Variants in RPL7A observed in about 807,000 individuals in gnomAD.
RPL7A encodes ribosomal protein L7a.
For missense variants in RPL7A, 291 were observed against 338.2 expected (o/e 0.86, Z 1.09); for synonymous variants, 158 against 128.2 (o/e 1.23, Z -1.57).
chr9:133,349,434 G>A (rs2129986060), intron 2 of RPL7A, 117 bp from the exon 3 acceptor site: 2 of 1,203,836 alleles, frequency 1.7e-6, no homozygotes, highest in Non-Finnish European at 2.5e-6. Context: ...TCTGAGAGAT[G>A]GTGATGACAT....
Position 133,349,648 on chromosome 9 carries a change from G to T in RPL7A, c.222G>T (p.Leu74=). 6.2e-7 allele frequency: 1 copy of T among 1,614,084 alleles called. No individual in the cohort carries two copies. The highest frequency in any genetic ancestry group is 1.1e-5 in the South Asian group (1 of 91,092). ...QRQRAILYKR[L]KVPPAINQFT... ...AGAGAGCCATCCTCTATAAGCGGCTGAAAGTGCCTCCTGCGATTAACCAGT... is the reference window on the plus strand; with the variant it reads ...AGAGAGCCATCCTCTATAAGCGGCTTAAAGTGCCTCCTGCGATTAACCAGT... The change falls in exon 3 of 8, where the codon CTG becomes CTT. Residue 74 remains leucine (L), a synonymous_variant. Transcript: ENST00000323345.
intron 2 of RPL7A, 196 bp from the exon 3 acceptor site, chr9:133,349,355 A>G (rs2129985126): frequency 2.3e-6 from 2 of 880,636 alleles, no homozygotes; most frequent in South Asian, 1.3e-5. Flanking sequence ...TTCTTGTTAG[A>G]TGAGGAAAAG....
intron 3 of RPL7A, 83 bp from the exon 4 acceptor site, chr9:133,349,829 G>A (rs2129988866): frequency 2.5e-5 from 39 of 1,583,678 alleles, no homozygotes; most frequent in African/African-American, 1.9e-4. Context: ...TAGCAGGACC[G>A]CAGTCCAGCA....
chr9:133,349,253 A>C, intron 2 of RPL7A: 1 of 743,932 alleles, frequency 1.3e-6, no homozygotes. Context: ...AGTGGCCTTG[A>C]ATTCAGCTTA....
intron 2 of RPL7A, 71 bp downstream of exon 2, chr9:133,349,113 G>GT (rs1836304816): frequency 5.7e-6 from 9 of 1,577,354 alleles, no homozygotes; most frequent in East Asian, 4.5e-5. Flanking sequence ...GGGTTGTGTT[G>GT]TATCTTGTAG....
At position 133,350,579 on chromosome 9, in the gene RPL7A, G is replaced by A; in HGVS notation, c.496-18G>A. On this transcript the variant is annotated intron_variant, in intron 5 of 7. Coordinates refer to ENST00000323345, the MANE Select transcript of RPL7A (RefSeq NM_000972.3). Reference sequence around the variant, plus strand: ...GCTTTTGGTCAAAATACAGTCTTCAGCTAATGCTTTCTTCCAGCTGGTTGT... The same window carrying A: ...GCTTTTGGTCAAAATACAGTCTTCAACTAATGCTTTCTTCCAGCTGGTTGT... 1 of 1,614,052 alleles carries A rather than the reference G, an allele frequency of 6.2e-7. No homozygotes were observed. The highest frequency in any genetic ancestry group is 8.5e-7 in the Non-Finnish European group (1 of 1,179,914).
intron 2 of RPL7A, 38 bp from the exon 3 acceptor site, chr9:133,349,513 A>C: frequency 6.2e-7 from 1 of 1,613,938 alleles, no homozygotes; most frequent in Non-Finnish European, 8.5e-7. Context: ...CTTGACATGG[A>C]ATTTGAGCCT....
chr9:133,350,204 C>T lies in RPL7A; in HGVS notation c.416-36C>T, dbSNP rs1354690948. 4 of 1,611,760 alleles carry T rather than the reference C, an allele frequency of 2.5e-6. No individual in the cohort carries two copies. In the African/African-American group the frequency reaches 4.0e-5, roughly 16 times the overall value. On this transcript the variant is annotated intron_variant, in intron 4 of 7. Transcript: ENST00000323345. ...AGCAGCTTCTTGTGACTAGAGCAGGCCCTGTGAGTGCTCACAAAGTGGTTG... is the reference window on the plus strand; with the variant it reads ...AGCAGCTTCTTGTGACTAGAGCAGGTCCTGTGAGTGCTCACAAAGTGGTTG...
At chr9:133,349,159 TTG>T in intron 2 of RPL7A, 117 bp downstream of exon 2, 1 of 1,249,820 alleles carries the variant, frequency 8.0e-7, no homozygotes, top group Non-Finnish European at 1.1e-6. Flanking sequence ...AGTCCTTAAT[TTG>T]TGTCTCTTAG....
At chr9:133,348,639 G>A (rs1836284794) in intron 1 of RPL7A, 1 of 657,890 alleles carries the variant, frequency 1.5e-6, no homozygotes, top group Non-Finnish European at 2.8e-6. Context: ...ACTCAGAGGA[G>A]TCATGAGTCC....
chr9:133,350,279 C>T lies in RPL7A; in HGVS notation c.455C>T (p.Ala152Val). The change falls in exon 5 of 8, where the codon GCT becomes GTT. Residue 152 changes from alanine (A) to valine (V), a missense_variant. Physicochemically the swap from Ala to Val is moderately conservative, Grantham distance 64. Coordinates refer to ENST00000323345, the MANE Select transcript of RPL7A (RefSeq NM_000972.3). ...ACCACCTTGGTGGAGAACAAGAAAG[C>T]TCAGCTGGTGGTGATTGCACACGAC... is the stretch of plus-strand genomic sequence containing the variant. ...TVTTLVENKK[A>V]QLVVIAHDVD... 1 of 1,613,992 alleles carries T rather than the reference C, an allele frequency of 6.2e-7. No individual in the cohort carries two copies. The highest frequency in any genetic ancestry group is 8.5e-7 in the Non-Finnish European group (1 of 1,180,022).
At position 133,348,909 on chromosome 9, in the gene RPL7A, T is replaced by G. The variant is rs2129982014; in HGVS notation, c.4-13T>G. 2 of 1,613,694 alleles carry G rather than the reference T, an allele frequency of 1.2e-6. No individual in the cohort carries two copies. Among genetic ancestry groups the G allele is most frequent in the South Asian group, 2.2e-5 (2 of 91,070 alleles). ...GGAGGCGGCGGTTTAACTGACGTTT[T>G]CTTTCTGCCCAGCCGAAAGGAAAGA... is the stretch of plus-strand genomic sequence containing the variant. On this transcript the variant is annotated splice_polypyrimidine_tract_variant and intron_variant, in intron 1 of 7. Transcript: ENST00000323345.
Position 133,351,077 on chromosome 9 carries a change from A to AGG in RPL7A, c.696+7_696+8dup, listed in dbSNP as rs2129997927. ...ACAATGACAGATACGATGAGGTAAG[A>AGG]GGCAGCTTTACACCAAAATACTGTC... On this transcript the variant is annotated splice_region_variant and intron_variant, in intron 7 of 7. Transcript: ENST00000323345. The AGG allele has an allele frequency of 7.7e-5, 125 of 1,613,532 alleles. No homozygotes were observed. The African/African-American group carries it at 1.4e-3, about 18-fold the overall frequency.
At chr9:133,351,106 C>A (rs2129998167) in intron 7 of RPL7A, 35 bp downstream of exon 7, 1 of 1,600,614 alleles carries the variant, frequency 6.2e-7, no homozygotes, top group Admixed American at 1.7e-5. Context: ...TACTGTCATT[C>A]ACAAATCTTT....
intron 2 of RPL7A, chr9:133,349,294 C>T (rs1370968947): frequency 2.6e-5 from 20 of 764,392 alleles, no homozygotes; most frequent in Admixed American, 9.2e-5. Flanking sequence ...GTAGCAGTGT[C>T]GCAGCGAGGT....
chr9:133,349,767 G>T (rs1169961784), intron 3 of RPL7A, 67 bp downstream of exon 3: 6 of 1,601,342 alleles, frequency 3.7e-6, no homozygotes, highest in Non-Finnish European at 5.1e-6. Flanking sequence ...AGAACATGAG[G>T]GGGATGGTCT....
At position 133,350,703 on chromosome 9, in the gene RPL7A, C is replaced by G. The variant is rs2129995474; in HGVS notation, c.602C>G (p.Thr201Ser). The G allele has an allele frequency of 1.2e-6, 2 of 1,614,054 alleles. No homozygotes were observed. Among genetic ancestry groups the G allele is most frequent in the African/African-American group, 2.7e-5 (2 of 74,944 alleles). The change falls in exon 6 of 8, where the codon ACT becomes AGT. Residue 201 changes from threonine to serine, a missense_variant. Thr to Ser is a moderately conservative substitution (Grantham distance 58). Transcript: ENST00000323345. ...GRLVHRKTCT[T>S]VAFTQVNSED... The stretch of plus-strand genomic sequence containing the variant: ...CTAGTCCACAGGAAGACCTGCACCA[C>G]TGTCGCCTTCACACAGGTGAACTCG...
At chr9:133,349,815 CAT>C (rs1321743815) in intron 3 of RPL7A, 95 bp from the exon 4 acceptor site, 17 of 1,580,434 alleles carry the variant, frequency 1.1e-5, no homozygotes, top group Non-Finnish European at 1.4e-5. Flanking sequence ...AAATTATAGT[CAT>C]ATAGCAGGAC....
At position 133,350,079 on chromosome 9, in the gene RPL7A, C is replaced by T. The variant is rs2129991125; in HGVS notation, c.415+27C>T. On this transcript the variant is annotated intron_variant, in intron 4 of 7. Transcript: ENST00000323345. ...TGAGTAGGCCCCACCTTAGGGTGAACACTGGGGGCGGGCTGTTGCAGTGAT... is the reference window on the plus strand; with the variant it reads ...TGAGTAGGCCCCACCTTAGGGTGAATACTGGGGGCGGGCTGTTGCAGTGAT... 16 of 1,613,944 alleles carry T rather than the reference C, an allele frequency of 9.9e-6. No homozygotes were observed. In the South Asian group the frequency reaches 1.8e-4, roughly 18 times the overall value.
Sources: gnomAD v4.1 joint callset for allele counts on GRCh38, gnomAD v4.1.1 for gene constraint, MANE v1.5 for transcripts, NCBI Gene and HGNC (gene_info 2026-07-23, HGNC 2026-07-21) for gene names.